STAB2: variants seen among roughly 807,000 people sequenced by gnomAD.
The protein encoded by STAB2 is stabilin-2.
Under a neutral mutation model 338.1 loss-of-function variants are expected in STAB2, and 288 were observed. That is an observed-to-expected ratio of 0.85 (90% CI 0.77 to 0.94). The LOEUF is 0.94. Ranked by LOEUF, STAB2 falls within the 40% of genes least tolerant of loss-of-function variation. The pLI is 0.00. For missense variants in STAB2, 3,141 were observed against 3,210.1 expected, an observed-to-expected ratio of 0.98 and a Z score of 0.52; for synonymous variants, 1,202 against 1,193.3, an observed-to-expected ratio of 1.01 and a Z score of -0.15.
chr12:103,750,747 A>C (rs1297000835), intron 60 of STAB2, 27 bp downstream of exon 60: 1 of 1,598,932 alleles, frequency 6.3e-7, no homozygotes, highest in Non-Finnish European at 8.6e-7. Flanking sequence ...CCTATGGCCC[A>C]AAGCACCCTC....
chr12:103,700,560 T>C (rs1878773819), intron 34 of STAB2, among the ~76,000 whole-genome samples: 1 of 152,226 alleles, frequency 6.6e-6, no homozygotes, highest in African/African-American at 2.4e-5. Context: ...TATTGTGTAA[T>C]AACTTGGAAG....
At chr12:103,642,129 C>A (rs1318697254) in intron 9 of STAB2, among the ~76,000 whole-genome samples, 1 of 152,194 alleles carries the variant, frequency 6.6e-6, no homozygotes, top group African/African-American at 2.4e-5. Flanking sequence ...TCAAGTAGGT[C>A]TAGAGACCAG....
At chr12:103,588,879 C>T (rs1423673968) in intron 1 of STAB2, among the ~76,000 whole-genome samples, 3 of 152,110 alleles carry the variant, frequency 2.0e-5, no homozygotes, top group Admixed American at 2.0e-4. Context: ...AATAAAGAAC[C>T]TTCTAGTGCT....
chr12:103,670,640 A>G, intron 21 of STAB2, 56 bp from the exon 22 acceptor site: 1 of 1,405,912 alleles, frequency 7.1e-7, no homozygotes, highest in East Asian at 2.3e-5. Context: ...CCATGAAATG[A>G]AAACACCTGA....
Position 103,660,668 on chromosome 12 carries a change from CTCT to C in STAB2, c.1789-10_1789-8del. Reference sequence around the variant, plus strand: ...GTCCCAAATATCTCTGCCTTTTGTTCTCTTCTTATTGCAGCTTGAAGTGGCCAC... The same window carrying C: ...GTCCCAAATATCTCTGCCTTTTGTTCTCTTATTGCAGCTTGAAGTGGCCAC... On this transcript the variant is annotated splice_polypyrimidine_tract_variant and intron_variant, in intron 16 of 68. Coordinates refer to ENST00000388887, the MANE Select transcript of STAB2 (RefSeq NM_017564.10). The C allele has an allele frequency of 2.5e-6, 4 of 1,613,962 alleles. No homozygotes were observed. The highest frequency in any genetic ancestry group is 3.4e-6 in the Non-Finnish European group (4 of 1,179,908).
In STAB2 at chr12:103,730,325, G is replaced by T. The variant is rs536799875; in HGVS notation, c.5223+69G>T. On this transcript the variant is annotated intron_variant, in intron 49 of 68. Coordinates refer to ENST00000388887, the MANE Select transcript of STAB2 (RefSeq NM_017564.10). ...TACATTATCATCTCTATTCTGATTC[G>T]AAGTCATCATTTTGAAACATTTTCT... The T allele has an allele frequency of 5.9e-6, 9 of 1,518,108 alleles. No homozygotes were observed. The East Asian group carries it at 2.1e-4, about 35-fold the overall frequency. The allele number at this position is 1,518,108 out of a possible 1,614,324, so 94.0% of individuals were successfully genotyped here.
At position 103,708,510 on chromosome 12, in the gene STAB2, G is replaced by T. The variant is rs769361255; in HGVS notation, c.4262G>T (p.Gly1421Val). The change falls in exon 39 of 69, where the codon GGC becomes GTC. Residue 1421 changes from glycine (G) to valine (V), a missense_variant. Transcript: ENST00000388887. ...GATGGCTCCTGTGACTGTGATGTTG[G>T]CTGGCGAGGAGTGCATTGTGACAAT... Reference protein sequence around the residue: ...LGDGSCDCDVGWRGVHCDNAT... With the variant: ...LGDGSCDCDVVWRGVHCDNAT... The T allele has an allele frequency of 1.7e-5, 27 of 1,614,064 alleles. No individual in the cohort carries two copies. Among genetic ancestry groups the T allele is most frequent in the Non-Finnish European group, 2.3e-5 (27 of 1,179,920 alleles).
At position 103,605,986 on chromosome 12, in the gene STAB2, C is replaced by T. The variant is rs1046695573; in HGVS notation, c.331+11476C>T. ...TTGTTTAAACCATTTATATTTAATG[C>T]GTTAGGTTTACATCCATCATCTTGC... On this transcript the variant is annotated intron_variant, in intron 3 of 68. Coordinates refer to ENST00000388887, the MANE Select transcript of STAB2 (RefSeq NM_017564.10). Among the ~76,000 whole-genome samples the T allele has an allele frequency of 7.2e-5, 11 of 152,072 alleles. No homozygotes were observed. The South Asian group carries it at 8.3e-4, about 12-fold the overall frequency.
chr12:103,690,491 G>A lies in STAB2; in HGVS notation c.3250G>A (p.Ala1084Thr), dbSNP rs753642461. ...GACCCTGTCTTCTTCTGACATGTTG[G>A]CAACATCTTTGCAGGGCAACTTCCT... ...LQTLSSSDMLATSLQGNFLHL... is the reference protein window; with the variant it reads ...LQTLSSSDMLTTSLQGNFLHL... Residue 1084 changes from alanine to threonine, a missense_variant, in exon 30 of 69, where the codon GCA becomes ACA. Physicochemically the swap from Ala to Thr is moderately conservative, Grantham distance 58 (BLOSUM62 0). Coordinates refer to ENST00000388887, the MANE Select transcript of STAB2 (RefSeq NM_017564.10). 6.2e-7 allele frequency: 1 copy of A among 1,614,108 alleles called. No individual in the cohort carries two copies. Among genetic ancestry groups the A allele is most frequent in the Non-Finnish European group, 8.5e-7 (1 of 1,179,970 alleles).
intron 45 of STAB2, 103 bp from the exon 46 acceptor site, chr12:103,726,013 G>T: frequency 7.5e-7 from 1 of 1,324,804 alleles, no homozygotes; most frequent in Non-Finnish European, 1.1e-6. Flanking sequence ...CGGTGTTACA[G>T]ATTTCCAGCT....
intron 34 of STAB2, among the ~76,000 whole-genome samples, chr12:103,702,526 C>A (rs1878989033): frequency 6.6e-6 from 1 of 152,114 alleles, no homozygotes; most frequent in Non-Finnish European, 1.5e-5. Flanking sequence ...GTCTCGATCT[C>A]CTGACCTCAT....
chr12:103,761,623 A>C (rs1170141391), intron 66 of STAB2, among the ~76,000 whole-genome samples: 1 of 151,982 alleles, frequency 6.6e-6, no homozygotes, highest in Admixed American at 6.6e-5. Context: ...AGCACCAGTC[A>C]CCATTAATAT....
chr12:103,663,173 A>T (rs1288583091), intron 18 of STAB2, among the ~76,000 whole-genome samples, 175 bp downstream of exon 18: 1 of 152,178 alleles, frequency 6.6e-6, no homozygotes, highest in Non-Finnish European at 1.5e-5. Context: ...CACCTCATAA[A>T]CTGTGAACCA....
chr12:103,622,858 A>T (rs191684585), intron 5 of STAB2, among the ~76,000 whole-genome samples: 1 of 152,226 alleles, frequency 6.6e-6, no homozygotes, highest in East Asian at 1.9e-4. Context: ...CTCTTTCTGG[A>T]TCCTGGTCTC....
chr12:103,760,691 G>A (rs1469636389), intron 65 of STAB2, among the ~76,000 whole-genome samples: 1 of 152,206 alleles, frequency 6.6e-6, no homozygotes, highest in Admixed American at 6.5e-5. Flanking sequence ...TTCAGGTTCT[G>A]AGACATGCAG....
At chr12:103,687,682 A>T (rs1877556606) in intron 27 of STAB2, among the ~76,000 whole-genome samples, 1 of 152,202 alleles carries the variant, frequency 6.6e-6, no homozygotes, top group African/African-American at 2.4e-5. Flanking sequence ...CATTTTACAG[A>T]TAAGAAAATT....
chr12:103,709,625 A>G (rs759035691), intron 39 of STAB2, among the ~76,000 whole-genome samples: 3 of 152,170 alleles, frequency 2.0e-5, no homozygotes, highest in African/African-American at 4.8e-5. Context: ...GCTCCAGGCA[A>G]TGCAAAAATC....
intron 28 of STAB2, 109 bp downstream of exon 28, chr12:103,688,324 T>C: frequency 1.9e-6 from 2 of 1,058,144 alleles, no homozygotes; most frequent in Non-Finnish European, 2.9e-6. Context: ...TAGGCAATTG[T>C]GCTGAGCAGT....
chr12:103,741,926 T>A (rs535395021), intron 55 of STAB2, among the ~76,000 whole-genome samples: 1 of 152,202 alleles, frequency 6.6e-6, no homozygotes, highest in African/African-American at 2.4e-5. Flanking sequence ...ACCACCCAGC[T>A]CCACCCTCCA....
Sources: gnomAD v4.1 joint callset for allele counts (sites outside exome capture counted in the v4.1 genomes callset) on GRCh38, gnomAD v4.1.1 for gene constraint, MANE v1.5 for transcripts, NCBI Gene and HGNC (gene_info 2026-07-23, HGNC 2026-07-21) for gene names.